TENM3: variants seen among roughly 807,000 people sequenced by gnomAD.
The protein encoded by TENM3 is teneurin transmembrane protein 3.
In TENM3, 63 loss-of-function variants were observed where a neutral mutation model predicts 255.1. The ratio of observed to expected loss-of-function variants is 0.25; its 90% confidence interval spans 0.20 to 0.30. The LOEUF (loss-of-function observed/expected upper bound fraction) is 0.30, where lower values mean the gene tolerates loss of function less well. Ranked by LOEUF, TENM3 falls within the 10% of genes least tolerant of loss-of-function variation. The pLI is 1.00. For synonymous variants in TENM3, 1,306 were observed against 1,322.3 expected (o/e 0.99, Z 0.27); for missense variants, 2,929 against 3,461.1 (o/e 0.85, Z 3.86).
At chr4:181,743,385 A>G in the TENM3 span, among the ~76,000 whole-genome samples, 8 of 152,062 alleles carry the variant, frequency 5.3e-5, no homozygotes, top group Non-Finnish European at 1.0e-4. Context: ...GTGTGAGATG[A>G]TATCTCATTG....
rs564902492 is a variant in TENM3, at chr4:182,713,771, G to A, written c.2222-316G>A. The stretch of plus-strand genomic sequence containing the variant: ...TTTGTTGAGATGGCTTTTCCACACC[G>A]TACAATATACCTTGTTGCTTGGCTA... On this transcript the variant is annotated intron_variant, in intron 12 of 27. Coordinates refer to ENST00000511685, the MANE Select transcript of TENM3 (RefSeq NM_001080477.4). Among the ~76,000 whole-genome samples the A allele has an allele frequency of 5.9e-5, 9 of 152,176 alleles. 1 individual carries two copies. The highest frequency in any genetic ancestry group is 1.9e-4 in the African/African-American group (8 of 41,510).
intron 4 of TENM3, among the ~76,000 whole-genome samples, chr4:182,614,092 T>C (rs1475052937): frequency 6.6e-6 from 1 of 152,230 alleles, no homozygotes; most frequent in Non-Finnish European, 1.5e-5. Context: ...TTTGTTCTTT[T>C]GTTTTCCCAT....
At chr4:181,798,421 C>T in the TENM3 span, among the ~76,000 whole-genome samples, 1 of 152,040 alleles carries the variant, frequency 6.6e-6, no homozygotes, top group African/African-American at 2.4e-5. Flanking sequence ...TGATTATCCA[C>T]CCTCAGACTC....
At chr4:182,390,756 A>T (rs946471592) in intron 3 of TENM3, among the ~76,000 whole-genome samples, 2 of 152,120 alleles carry the variant, frequency 1.3e-5, no homozygotes, top group Non-Finnish European at 2.9e-5. Context: ...CTCAAAAGTG[A>T]CTTTTTTTCC....
chr4:182,754,297 A>C lies in TENM3; in HGVS notation c.4018-88A>C, dbSNP rs988756090. On this transcript the variant is annotated intron_variant, in intron 21 of 27. Coordinates refer to ENST00000511685, the MANE Select transcript of TENM3 (RefSeq NM_001080477.4). The surrounding 1 kb of genome is among the most constrained non-coding windows in gnomAD (Gnocchi z 5.1). Reference sequence around the variant, plus strand: ...AGACAGTTTATCTCAGATTAATGCCAATTTCCCTGAATGGTCTAATTTACT... The same window carrying C: ...AGACAGTTTATCTCAGATTAATGCCCATTTCCCTGAATGGTCTAATTTACT... 11 of 1,361,542 alleles carry C rather than the reference A, an allele frequency of 8.1e-6. No homozygotes were observed. Among genetic ancestry groups the C allele is most frequent in the Non-Finnish European group, 1.1e-5 (11 of 1,019,242 alleles). 84.3% of individuals were successfully genotyped at this position (1,361,542 alleles called of 1,614,324 possible). A position where few individuals can be genotyped will look rare whatever the true frequency, so the allele number is the denominator to read the frequency against.
chr4:181,856,636 C>G, the TENM3 span, among the ~76,000 whole-genome samples: 6 of 152,172 alleles, frequency 3.9e-5, no homozygotes, highest in Admixed American at 1.3e-4. Context: ...ATTGTCCCTC[C>G]AGCTGATACT....
chr4:182,752,081 A>AAG (rs1554029571), intron 20 of TENM3, 49 bp downstream of exon 20: 1 of 1,168,198 alleles, frequency 8.6e-7, no homozygotes, highest in African/African-American at 1.6e-5. Context: ...ATTAAAAAAA[A>AAG]AAAAAAAGGG....
chr4:182,196,453 A>G (rs1270214503), intron 1 of TENM3, among the ~76,000 whole-genome samples: 2 of 152,158 alleles, frequency 1.3e-5, no homozygotes, highest in Non-Finnish European at 2.9e-5. Context: ...GAAGTGAGCC[A>G]AGTAGGAAGG....
chr4:182,464,857 TAATAA>T (rs1238011370), intron 3 of TENM3, among the ~76,000 whole-genome samples: 1 of 152,246 alleles, frequency 6.6e-6, no homozygotes, highest in African/African-American at 2.4e-5. Context: ...TAAATAAGAC[TAATAA>T]AATTTTTTTG....
At chr4:182,230,122 G>T (rs2150009158) in intron 1 of TENM3, among the ~76,000 whole-genome samples, 1 of 94,352 alleles carries the variant, frequency 1.1e-5, no homozygotes, top group Non-Finnish European at 2.3e-5. Context: ...CTTGCTTGAT[G>T]CTACTAAAAA....
chr4:182,453,648 G>T (rs891986530), intron 3 of TENM3, among the ~76,000 whole-genome samples: 3 of 152,148 alleles, frequency 2.0e-5, no homozygotes, highest in Non-Finnish European at 4.4e-5. Flanking sequence ...GGAAGTTTCA[G>T]TGAGTTGTTT....
At chr4:182,547,683 C>T (rs1741578502) in intron 3 of TENM3, among the ~76,000 whole-genome samples, 1 of 152,068 alleles carries the variant, frequency 6.6e-6, no homozygotes, top group African/African-American at 2.4e-5. Context: ...CCATTTGAGT[C>T]CAGCCCTATA....
chr4:182,633,200 G>T (rs549235938), intron 5 of TENM3, among the ~76,000 whole-genome samples: 1 of 152,266 alleles, frequency 6.6e-6, no homozygotes, highest in South Asian at 2.1e-4. Context: ...CCAAAGTGCT[G>T]AGATGACAGG....
upstream of TENM3, among the ~76,000 whole-genome samples, chr4:182,241,564 G>A (rs1468886432): frequency 9.1e-6 from 1 of 110,278 alleles, no homozygotes; most frequent in Non-Finnish European, 1.7e-5. Context: ...CTGTTGCTCT[G>A]TTGCTATGCT....
the TENM3 span, among the ~76,000 whole-genome samples, chr4:181,849,949 T>TCTCTCTCTCTCTCACACACACACACA: frequency 1.3e-3 from 84 of 65,950 alleles, 3 homozygotes; most frequent in Middle Eastern, 0.02. Context: ...TCTCTCTCTC[T>TCTCTCTCTCTCTCACACACACACACA]CACACACACA....
chr4:181,967,659 A>G, the TENM3 span, among the ~76,000 whole-genome samples: 1 of 152,004 alleles, frequency 6.6e-6, no homozygotes, highest in Non-Finnish European at 1.5e-5. Context: ...TCTTCCCAGG[A>G]GGAGTAAGAG....
intron 1 of TENM3, among the ~76,000 whole-genome samples, chr4:182,231,735 C>G (rs74799351): frequency 0.063 from 9,584 of 152,232 alleles, 402 homozygotes; most frequent in Non-Finnish European, 0.091. Flanking sequence ...TGGTACCAGG[C>G]TGGACTCTGG....
intron 6 of TENM3, among the ~76,000 whole-genome samples, chr4:182,671,169 A>G (rs79451618): frequency 0.012 from 1,831 of 152,258 alleles, 39 homozygotes; most frequent in African/African-American, 0.041. Flanking sequence ...TTGATGCACC[A>G]AACCTCATGG....
the TENM3 span, among the ~76,000 whole-genome samples, chr4:182,021,283 A>G: frequency 6.6e-6 from 1 of 152,118 alleles, no homozygotes; most frequent in Non-Finnish European, 1.5e-5. Flanking sequence ...GTACATATAC[A>G]CTGTATATGT....
Sources: allele counts gnomAD v4.1 joint callset (sites outside exome capture counted in the v4.1 genomes callset), GRCh38; gene constraint gnomAD v4.1.1; non-coding constraint Gnocchi (gnomAD v3.1); transcripts MANE v1.5; gene names NCBI Gene and HGNC (gene_info 2026-07-23, HGNC 2026-07-21).